EPS8L1: variants seen among roughly 807,000 people sequenced by gnomAD.
The protein encoded by EPS8L1 is epidermal growth factor receptor kinase substrate 8-like protein 1.
In EPS8L1, 101 loss-of-function variants were observed where a neutral mutation model predicts 91.7. The observed-to-expected ratio is 1.10, with a 90% confidence interval of 0.94 to 1.30. EPS8L1 has a LOEUF of 1.30. Ranked by LOEUF, EPS8L1 falls within the 50% of genes most tolerant of loss-of-function variation. The pLI is 0.00. For synonymous variants in EPS8L1, 506 were observed against 445.3 expected (o/e 1.14, Z -1.72); for missense variants, 1,114 against 1,017.0 (o/e 1.10, Z -1.30).
At position 55,083,555 on chromosome 19, in the gene EPS8L1, A is replaced by G; in HGVS notation, c.1356+36A>G. ...CGACACAGCAGGGCCGAGGCTGGGA[A>G]GTCCGGGGGCGCGGCCGGTCCGCCT... On this transcript the variant is annotated intron_variant, in intron 13 of 19. Transcript: ENST00000201647. The surrounding 1 kb of genome is among the most constrained non-coding windows in gnomAD (Gnocchi z 4.7). 1 of 1,601,302 alleles carries G rather than the reference A, an allele frequency of 6.2e-7. No homozygotes were observed. Among genetic ancestry groups the G allele is most frequent in the Non-Finnish European group, 8.5e-7 (1 of 1,174,064 alleles).
At position 55,081,720 on chromosome 19, in the gene EPS8L1, G is replaced by A. The variant is rs1241976068; in HGVS notation, c.775-53G>A. ...GGTGCTCAGGTTCAGGGCTTCGACG[G>A]GGATGGTTTTGGAACTCGGGAGCCC... On this transcript the variant is annotated intron_variant, in intron 8 of 19. Coordinates refer to ENST00000201647, the MANE Select transcript of EPS8L1 (RefSeq NM_133180.3). This position sits in a 1 kb window ranked among gnomAD's most constrained non-coding sequence, Gnocchi z 4.9. The A allele has an allele frequency of 3.2e-6, 5 of 1,562,388 alleles. No homozygotes were observed. Among genetic ancestry groups the A allele is most frequent in the African/African-American group, 1.4e-5 (1 of 72,894 alleles).
chr19:55,086,583 G>C, intron 17 of EPS8L1, 65 bp downstream of exon 17: 2 of 1,537,418 alleles, frequency 1.3e-6, no homozygotes, highest in South Asian at 2.4e-5. Flanking sequence ...CAGAGAAACG[G>C]GGGCTCAGAA....
At position 55,079,011 on chromosome 19, in the gene EPS8L1, G is replaced by C. The variant is rs762520768; in HGVS notation, c.71G>C (p.Arg24Pro). The C allele has an allele frequency of 3.7e-6, 6 of 1,613,872 alleles. No individual in the cohort carries two copies. The African/African-American group carries it at 6.7e-5, about 18-fold the overall frequency. The change falls in exon 4 of 20, where the codon CGT becomes CCT. Residue 24 changes from arginine (R) to proline (P), a missense_variant. Coordinates refer to ENST00000201647, the MANE Select transcript of EPS8L1 (RefSeq NM_133180.3). ...TCTCCCCTGGCAGAGCAGAGGAAGC[G>C]TTACTCCACAGTTGTTATGGCTGAT... ...SAKSIYEQRK[R>P]YSTVVMADVS...
intron 6 of EPS8L1, 137 bp downstream of exon 6, chr19:55,080,415 T>C: frequency 1.3e-6 from 2 of 1,591,664 alleles, no homozygotes; most frequent in Non-Finnish European, 1.7e-6. Flanking sequence ...GCAGGGGACC[T>C]GGGAAGGAAG....
intron 4 of EPS8L1, among the ~76,000 whole-genome samples, chr19:55,079,345 G>A (rs2076204065): frequency 6.6e-6 from 1 of 152,192 alleles, no homozygotes; most frequent in South Asian, 2.1e-4. Context: ...GGTAGACAAG[G>A]TCCAGAGGAA....
In EPS8L1 at chr19:55,087,306, C is replaced by G. The variant is rs760675909; in HGVS notation, c.1956C>G (p.Thr652=). Residue 652 remains threonine (T), a synonymous_variant, in exon 19 of 20, where the codon ACC becomes ACG. Coordinates refer to ENST00000201647, the MANE Select transcript of EPS8L1 (RefSeq NM_133180.3). The part of the protein sequence containing the change: ...WLQAKGFSSG[T]VDALGVLTGA... ...CGCCCGGGCTGCCCTCGCTCAGGAC[C>G]GTGGACGCGCTGGGTGTGCTGACCG... 2.5e-6 allele frequency: 4 copies of G among 1,604,548 alleles called. No homozygotes were observed. Among genetic ancestry groups the G allele is most frequent in the South Asian group, 2.2e-5 (2 of 89,964 alleles).
Sources: allele counts gnomAD v4.1 joint callset (sites outside exome capture counted in the v4.1 genomes callset), GRCh38; gene constraint gnomAD v4.1.1; non-coding constraint Gnocchi (gnomAD v3.1); transcripts MANE v1.5; gene names NCBI Gene and HGNC (gene_info 2026-07-23, HGNC 2026-07-21).